PRELID2: variants seen among roughly 807,000 people sequenced by gnomAD.
PRELID2 encodes PRELI domain-containing protein 2.
PRELID2 carries 25 observed loss-of-function variants against 28.4 expected under a neutral mutation model. The observed-to-expected ratio is 0.88, with a 90% CI of 0.64 to 1.23. The LOEUF is 1.23. Among genes scored for constraint, PRELID2 ranks in the 50% most tolerant of loss-of-function variants. The pLI is 0.00. For synonymous variants in PRELID2, 76 were observed against 71.6 expected (o/e 1.06, Z -0.31); for missense variants, 201 against 214.4 (o/e 0.94, Z 0.39).
chr5:145,782,905 C>T (rs1751728980), intron 5 of PRELID2, among the ~76,000 whole-genome samples: 2 of 152,136 alleles, frequency 1.3e-5, no homozygotes, highest in Non-Finnish European at 2.9e-5. Flanking sequence ...TTGAAAATGA[C>T]CTACCCAGTT....
intron 1 of PRELID2, among the ~76,000 whole-genome samples, chr5:145,626,551 GA>G (rs1210078681): frequency 6.6e-6 from 1 of 151,968 alleles, no homozygotes; most frequent in Non-Finnish European, 1.5e-5. Flanking sequence ...AGAGAAATGG[GA>G]ACGCTTATAC....
At chr5:145,403,864 A>C in the PRELID2 span, among the ~76,000 whole-genome samples, 11 of 152,300 alleles carry the variant, frequency 7.2e-5, no homozygotes, top group African/African-American at 2.6e-4. Flanking sequence ...CCTGAAGAGA[A>C]ACTCCTCAAG....
intron 1 of PRELID2, among the ~76,000 whole-genome samples, chr5:145,747,218 C>T (rs1454900661): frequency 6.7e-6 from 1 of 148,468 alleles, no homozygotes; most frequent in African/African-American, 2.5e-5. Flanking sequence ...CATCAAAAAC[C>T]CTCTAAAAAA....
intron 4 of PRELID2, among the ~76,000 whole-genome samples, chr5:145,810,629 C>T (rs1581249086): frequency 6.6e-6 from 1 of 152,288 alleles, no homozygotes; most frequent in South Asian, 2.1e-4. Flanking sequence ...ATATTAAATA[C>T]ATTCTGAGAA....
chr5:145,542,783 T>G (rs1322043553), intron 1 of PRELID2, among the ~76,000 whole-genome samples: 1 of 114,560 alleles, frequency 8.7e-6, no homozygotes, highest in Non-Finnish European at 1.9e-5. Flanking sequence ...CTTTCTTTCT[T>G]TCTGTCTTTT....
chr5:145,779,932 T>C (rs1758679502), intron 5 of PRELID2, among the ~76,000 whole-genome samples: 1 of 152,220 alleles, frequency 6.6e-6, no homozygotes, highest in African/African-American at 2.4e-5. Flanking sequence ...TGCATTTTAC[T>C]TTTTAAGTAA....
chr5:145,269,262 A>C, the PRELID2 span, among the ~76,000 whole-genome samples: 5 of 152,254 alleles, frequency 3.3e-5, no homozygotes, highest in South Asian at 1.0e-3. Context: ...GCAAAACTAC[A>C]ATTAGTATGT....
chr5:145,809,993 GA>G (rs1199477174), intron 4 of PRELID2, among the ~76,000 whole-genome samples: 1 of 152,102 alleles, frequency 6.6e-6, no homozygotes, highest in African/African-American at 2.4e-5. Context: ...ATAAGAACCA[GA>G]AACTCACAAA....
At chr5:145,765,121 T>C (rs918122620) in intron 5 of PRELID2, 121 bp from the exon 6 acceptor site, 30 of 651,852 alleles carry the variant, frequency 4.6e-5, no homozygotes, top group Non-Finnish European at 7.2e-5. Context: ...TTCAACAAAG[T>C]AGGCTCATAG....
chr5:145,560,064 T>C (rs1421586796), intron 1 of PRELID2, among the ~76,000 whole-genome samples: 6 of 152,170 alleles, frequency 3.9e-5, no homozygotes, highest in African/African-American at 1.4e-4. Flanking sequence ...AGGCAAATCA[T>C]CTAAGACAAA....
At chr5:145,396,838 TGAAGAGAAGCA>T in the PRELID2 span, among the ~76,000 whole-genome samples, 211 of 148,546 alleles carry the variant, frequency 1.4e-3, no homozygotes, top group Non-Finnish European at 2.0e-3. Context: ...ATTACTAAGG[TGAAGAGAAGCA>T]GAAGAAAATT....
intron 1 of PRELID2, among the ~76,000 whole-genome samples, chr5:145,615,871 T>G (rs893401597): frequency 3.9e-5 from 6 of 152,258 alleles, no homozygotes; most frequent in African/African-American, 1.4e-4. Flanking sequence ...TGATTTTATC[T>G]GCTTCCAGGA....
chr5:145,451,799 T>C, the PRELID2 span, among the ~76,000 whole-genome samples: 1 of 152,148 alleles, frequency 6.6e-6, no homozygotes, highest in South Asian at 2.1e-4. Flanking sequence ...AGCAATAGAA[T>C]ATTGGACAGC....
At chr5:145,422,716 G>T in the PRELID2 span, among the ~76,000 whole-genome samples, 3 of 151,804 alleles carry the variant, frequency 2.0e-5, no homozygotes, top group African/African-American at 7.3e-5. Context: ...CTTTTAATTG[G>T]AGCATTTAGT....
At chr5:145,464,233 A>G in the PRELID2 span, among the ~76,000 whole-genome samples, 10 of 152,210 alleles carry the variant, frequency 6.6e-5, no homozygotes, top group African/African-American at 9.6e-5. Context: ...CCTAAGAGCT[A>G]ATGCAGCAAT....
the PRELID2 span, among the ~76,000 whole-genome samples, chr5:145,446,568 G>T: frequency 3.3e-5 from 5 of 152,130 alleles, no homozygotes; most frequent in African/African-American, 1.2e-4. Context: ...TAATGTGGCT[G>T]GTGGATGGTT....
the PRELID2 span, among the ~76,000 whole-genome samples, chr5:145,333,620 C>T: frequency 2.0e-3 from 306 of 152,190 alleles, 1 homozygote; most frequent in African/African-American, 7.0e-3. Context: ...CAAACCTTTC[C>T]CTACCAAGCT....
intron 1 of PRELID2, among the ~76,000 whole-genome samples, chr5:145,584,150 C>A (rs1753131653): frequency 6.6e-6 from 1 of 152,144 alleles, no homozygotes. Context: ...CTACAACCAT[C>A]TGATCTTTGG....
the PRELID2 span, among the ~76,000 whole-genome samples, chr5:145,358,067 G>A: frequency 1.3e-5 from 2 of 151,988 alleles, no homozygotes; most frequent in East Asian, 1.9e-4. Context: ...TCTTTTGTTG[G>A]GTGTTCTGGT....
Sources: gnomAD v4.1 joint callset for allele counts (sites outside exome capture counted in the v4.1 genomes callset) on GRCh38, gnomAD v4.1.1 for gene constraint, MANE v1.5 for transcripts, NCBI Gene and HGNC (gene_info 2026-07-23, HGNC 2026-07-21) for gene names.